Variants in CNTN4 observed in about 807,000 individuals in gnomAD.
CNTN4 encodes the protein contactin 4.
In CNTN4, 77 loss-of-function variants were observed where a neutral mutation model predicts 122.5. That is an observed-to-expected ratio of 0.63 (90% CI 0.52 to 0.76). The LOEUF (loss-of-function observed/expected upper bound fraction) is 0.76. Ranked by LOEUF, CNTN4 falls within the 30% of genes least tolerant of loss-of-function variation. The probability of loss-of-function intolerance (pLI) is 0.00; values close to 1 mark genes in which losing one functional copy is unlikely to be tolerated. For missense variants in CNTN4, 1,256 were observed against 1,259.1 expected, an observed-to-expected ratio of 1.00 and a Z score of 0.04; for synonymous variants, 512 against 447.0, an observed-to-expected ratio of 1.15 and a Z score of -1.83.
chr3:2,850,291 A>G (rs1559578448), intron 7 of CNTN4, among the ~76,000 whole-genome samples: 2 of 152,180 alleles, frequency 1.3e-5, no homozygotes, highest in Non-Finnish European at 2.9e-5. Context: ...CCTGGCCAGC[A>G]ATCACTTTTT....
At chr3:2,905,032 T>C (rs933021030) in intron 12 of CNTN4, among the ~76,000 whole-genome samples, 9 of 152,194 alleles carry the variant, frequency 5.9e-5, no homozygotes, top group African/African-American at 1.9e-4. Context: ...TATATGTGTA[T>C]GCGTATGTGT....
At chr3:2,887,366 A>T in intron 10 of CNTN4, 142 bp downstream of exon 10, 1 of 776,188 alleles carries the variant, frequency 1.3e-6, no homozygotes, top group African/African-American at 1.7e-5. Flanking sequence ...CTCCATAATC[A>T]GCCCTGGTTG....
At chr3:2,161,021 G>A (rs2035944132) in intron 2 of CNTN4, among the ~76,000 whole-genome samples, 1 of 152,116 alleles carries the variant, frequency 6.6e-6, no homozygotes, top group Non-Finnish European at 1.5e-5. Flanking sequence ...TTAAAGTTGA[G>A]TACCAAGTGC....
intron 4 of CNTN4, among the ~76,000 whole-genome samples, chr3:2,621,838 A>T (rs892863017): frequency 2.6e-5 from 4 of 152,066 alleles, no homozygotes; most frequent in African/African-American, 9.7e-5. Flanking sequence ...GGCCAAGAGA[A>T]TGATCCTCAT....
intron 2 of CNTN4, among the ~76,000 whole-genome samples, chr3:2,264,120 G>T (rs559840333): frequency 1.3e-5 from 2 of 152,160 alleles, no homozygotes; most frequent in South Asian, 4.1e-4. Flanking sequence ...CTTTCTTTTG[G>T]ATATACACCT....
rs376106147 is a variant in CNTN4 at position 2,926,276 on chromosome 3, T to C, written c.1358+497T>C. Among the ~76,000 whole-genome samples the C allele has an allele frequency of 2.7e-4, 41 of 152,318 alleles. 1 individual carries two copies. The highest frequency in any genetic ancestry group is 7.7e-4 in the African/African-American group (32 of 41,560). The stretch of plus-strand genomic sequence containing the variant: ...AACTCATACTTCAAACAGCAGAGTG[T>C]TATGCTTTTTATTTCAACTACATAT... On this transcript the variant is annotated intron_variant, in intron 13 of 24. Coordinates refer to ENST00000418658, the MANE Select transcript of CNTN4 (RefSeq NM_175607.3).
chr3:2,318,289 A>G lies in CNTN4; in HGVS notation c.-144-20889A>G, dbSNP rs191160609. ...GTGACTAGACCCTTCACTGTATACT[A>G]TATAGGAAAAGATATATAATATGCT... On this transcript the variant is annotated intron_variant, in intron 2 of 24. Transcript: ENST00000418658. 1.1e-4 allele frequency among the ~76,000 whole-genome samples: 16 copies of G among 152,170 alleles called. No homozygotes were observed. In the East Asian group the frequency reaches 2.5e-3, roughly 24 times the overall value.
intron 2 of CNTN4, among the ~76,000 whole-genome samples, chr3:2,162,175 C>T (rs541289441): frequency 3.4e-4 from 51 of 152,190 alleles, no homozygotes; most frequent in African/African-American, 1.1e-3. Flanking sequence ...TTCATTTCAG[C>T]GCATTATGAT....
intron 3 of CNTN4, among the ~76,000 whole-genome samples, chr3:2,394,841 C>T (rs1044160691): frequency 7.6e-6 from 1 of 131,364 alleles, no homozygotes; most frequent in African/African-American, 2.8e-5. Flanking sequence ...GACTGGAGTA[C>T]AGTGGCGCAA....
intron 13 of CNTN4, among the ~76,000 whole-genome samples, chr3:2,936,417 T>C (rs998880896): frequency 1.3e-5 from 2 of 152,180 alleles, no homozygotes; most frequent in Non-Finnish European, 2.9e-5. Context: ...GGAATCAGAA[T>C]ACTTGTTTCC....
intron 4 of CNTN4, among the ~76,000 whole-genome samples, chr3:2,593,212 A>C (rs2080585894): frequency 2.0e-5 from 3 of 152,200 alleles, no homozygotes; most frequent in Admixed American, 1.3e-4. Flanking sequence ...TGAAATTGAA[A>C]TCATTTTTGT....
At chr3:2,984,567 A>G (rs1246608256) in intron 13 of CNTN4, among the ~76,000 whole-genome samples, 4 of 152,240 alleles carry the variant, frequency 2.6e-5, no homozygotes, top group Non-Finnish European at 4.4e-5. Flanking sequence ...TAACTTGGCT[A>G]TGCCATATAC....
In CNTN4 at chr3:2,841,158, G is replaced by C. The variant is rs1367641913; in HGVS notation, c.454+21577G>C. 6.6e-6 allele frequency among the ~76,000 whole-genome samples: 1 copy of C among 152,110 alleles called. No homozygotes were observed. Among genetic ancestry groups the C allele is most frequent in the African/African-American group, 2.4e-5 (1 of 41,370 alleles). ...CTGAGGGTTAATGCTAACTCTCATAGAATTTAAGTCAAAATATCTGTCTTT... is the reference window on the plus strand; with the variant it reads ...CTGAGGGTTAATGCTAACTCTCATACAATTTAAGTCAAAATATCTGTCTTT... On this transcript the variant is annotated intron_variant, in intron 7 of 24. Transcript: ENST00000418658. The surrounding 1 kb of genome is among the most constrained non-coding windows in gnomAD (Gnocchi z 4.8).
chr3:2,234,859 T>C (rs1373857452), intron 2 of CNTN4, among the ~76,000 whole-genome samples: 1 of 152,226 alleles, frequency 6.6e-6, no homozygotes, highest in African/African-American at 2.4e-5. Context: ...CAGTATTTTC[T>C]CACTCACAAA....
chr3:2,988,298 A>C (rs778709019), intron 13 of CNTN4, 47 bp from the exon 14 acceptor site: 1 of 1,583,250 alleles, frequency 6.3e-7, no homozygotes, highest in African/African-American at 1.3e-5. Context: ...GCAATAGGTC[A>C]TATGAGATAA....
At chr3:2,379,252 C>G (rs1202871631) in intron 3 of CNTN4, among the ~76,000 whole-genome samples, 3 of 151,760 alleles carry the variant, frequency 2.0e-5, no homozygotes. Context: ...TTCCTGCCTA[C>G]CTTTTTCCGT....
At chr3:2,203,361 G>A (rs1022000225) in intron 2 of CNTN4, among the ~76,000 whole-genome samples, 4 of 152,068 alleles carry the variant, frequency 2.6e-5, no homozygotes, top group Non-Finnish European at 5.9e-5. Flanking sequence ...GTTAGACCCT[G>A]AGAAATGGGG....
At chr3:2,933,221 C>T (rs1332842797) in intron 13 of CNTN4, among the ~76,000 whole-genome samples, 2 of 152,112 alleles carry the variant, frequency 1.3e-5, no homozygotes, top group South Asian at 2.1e-4. Context: ...ATGCATTCGT[C>T]GCAGGGTCAG....
chr3:2,867,318 T>C (rs955209693), intron 8 of CNTN4, among the ~76,000 whole-genome samples: 3 of 152,206 alleles, frequency 2.0e-5, no homozygotes, highest in Non-Finnish European at 4.4e-5. Flanking sequence ...TAGTATTCTG[T>C]GTCCAATTAT....
Sources: gnomAD v4.1 joint callset for allele counts (sites outside exome capture counted in the v4.1 genomes callset) on GRCh38, gnomAD v4.1.1 for gene constraint, Gnocchi (gnomAD v3.1) non-coding constraint, MANE v1.5 for transcripts, NCBI Gene and HGNC (gene_info 2026-07-23, HGNC 2026-07-21) for gene names.